GALNT13: variants seen among roughly 807,000 people sequenced by gnomAD.
GALNT13 encodes UDP-GalNAc:polypeptide N-acetylgalactosaminyltransferase 13.
GALNT13 carries 28 observed loss-of-function variants against 64.2 expected under a neutral mutation model. That is an observed-to-expected ratio of 0.44 (90% CI 0.32 to 0.60). The LOEUF is 0.60. GALNT13 is among the 20% of genes least tolerant of loss of function. GALNT13 has a pLI of 0.05. For synonymous variants in GALNT13, 214 were observed against 224.6 expected (o/e 0.95, Z 0.42); for missense variants, 577 against 669.8 (o/e 0.86, Z 1.53).
chr2:153,315,179 T>A, the GALNT13 span, among the ~76,000 whole-genome samples: 1 of 152,296 alleles, frequency 6.6e-6, no homozygotes, highest in South Asian at 2.1e-4. Flanking sequence ...ACAACAACCT[T>A]TTTTTGTTCA....
chr2:153,399,268 G>A, the GALNT13 span, among the ~76,000 whole-genome samples: 1 of 151,888 alleles, frequency 6.6e-6, no homozygotes, highest in Non-Finnish European at 1.5e-5. Context: ...GCTCTGTTCT[G>A]TTCCATTGAT....
the GALNT13 span, among the ~76,000 whole-genome samples, chr2:153,471,602 T>C: frequency 6.6e-6 from 1 of 152,202 alleles, no homozygotes; most frequent in African/African-American, 2.4e-5. Flanking sequence ...TTTTACTTGA[T>C]AGGTTCTTTT....
the GALNT13 span, among the ~76,000 whole-genome samples, chr2:153,843,808 T>C: frequency 8.5e-5 from 13 of 152,300 alleles, no homozygotes; most frequent in East Asian, 2.1e-3. Flanking sequence ...ACAGGCCCCA[T>C]GCAAGTTTTA....
chr2:153,316,076 A>C, the GALNT13 span, among the ~76,000 whole-genome samples: 1 of 152,058 alleles, frequency 6.6e-6, no homozygotes, highest in Non-Finnish European at 1.5e-5. Context: ...TACAAATGAC[A>C]TATCCCACGG....
chr2:154,230,781 C>A (rs764486230), intron 4 of GALNT13, among the ~76,000 whole-genome samples: 4 of 152,068 alleles, frequency 2.6e-5, no homozygotes, highest in Non-Finnish European at 5.9e-5. Flanking sequence ...GTTCAGAGAG[C>A]CATGCAAGAT....
At chr2:154,195,127 C>A (rs1686809709) in intron 4 of GALNT13, among the ~76,000 whole-genome samples, 1 of 152,020 alleles carries the variant, frequency 6.6e-6, no homozygotes, top group African/African-American at 2.4e-5. Context: ...TGTACTGCTG[C>A]CTCCCACAAC....
intron 4 of GALNT13, among the ~76,000 whole-genome samples, chr2:154,221,415 C>A (rs1302162806): frequency 6.6e-6 from 1 of 152,014 alleles, no homozygotes; most frequent in Non-Finnish European, 1.5e-5. Context: ...CTTAGTAATT[C>A]AACTAATTAC....
the GALNT13 span, among the ~76,000 whole-genome samples, chr2:153,815,367 A>G: frequency 6.6e-6 from 1 of 152,210 alleles, no homozygotes; most frequent in Non-Finnish European, 1.5e-5. Context: ...ATTGTTGCAT[A>G]TAAACCTGAT....
At chr2:153,723,553 C>A in the GALNT13 span, among the ~76,000 whole-genome samples, 1 of 151,242 alleles carries the variant, frequency 6.6e-6, no homozygotes, top group Non-Finnish European at 1.5e-5. Context: ...ATCTAGAAAA[C>A]CCCATCGTCT....
chr2:153,276,113 G>T, the GALNT13 span, among the ~76,000 whole-genome samples: 1 of 151,992 alleles, frequency 6.6e-6, no homozygotes, highest in African/African-American at 2.4e-5. Flanking sequence ...TTCTATTTTT[G>T]CATGAGACTG....
At chr2:153,616,987 A>G in the GALNT13 span, among the ~76,000 whole-genome samples, 1 of 152,022 alleles carries the variant, frequency 6.6e-6, no homozygotes, top group Non-Finnish European at 1.5e-5. Flanking sequence ...AGAGGTCTCA[A>G]AACGATAATG....
the GALNT13 span, among the ~76,000 whole-genome samples, chr2:153,299,977 C>T: frequency 1.3e-5 from 2 of 152,098 alleles, no homozygotes; most frequent in African/African-American, 2.4e-5. Flanking sequence ...CAGTTGCCAC[C>T]GGTAGGTCTC....
chr2:153,162,996 G>A, the GALNT13 span, among the ~76,000 whole-genome samples: 3 of 152,234 alleles, frequency 2.0e-5, no homozygotes, highest in East Asian at 5.8e-4. Flanking sequence ...AGGACAGTGA[G>A]GCCAGAAGAA....
the GALNT13 span, among the ~76,000 whole-genome samples, chr2:153,401,703 T>A: frequency 6.8e-6 from 1 of 147,540 alleles, no homozygotes; most frequent in African/African-American, 2.5e-5. Context: ...TCTCTTTTGA[T>A]CTTTGTTGGT....
chr2:153,645,866 ATTG>A, the GALNT13 span, among the ~76,000 whole-genome samples: 2 of 152,046 alleles, frequency 1.3e-5, no homozygotes, highest in Non-Finnish European at 2.9e-5. Flanking sequence ...AGCAGGGAGA[ATTG>A]TTGTTATACC....
chr2:153,277,908 C>CTTTTCTT, the GALNT13 span, among the ~76,000 whole-genome samples: 1 of 69,588 alleles, frequency 1.4e-5, no homozygotes, highest in Non-Finnish European at 3.3e-5. Flanking sequence ...TTTCTTTTTT[C>CTTTTCTT]TTTTGTTTTC....
At chr2:154,392,801 T>C (rs545792447) in intron 9 of GALNT13, among the ~76,000 whole-genome samples, 11 of 152,250 alleles carry the variant, frequency 7.2e-5, no homozygotes, top group African/African-American at 2.4e-4. Flanking sequence ...GAATAAAATA[T>C]AGGTAGAGGA....
At chr2:153,973,323 T>C (rs1030904053) in intron 3 of GALNT13, among the ~76,000 whole-genome samples, 6 of 152,012 alleles carry the variant, frequency 3.9e-5, no homozygotes, top group Non-Finnish European at 7.4e-5. Context: ...CTGAAATGTG[T>C]CAACATCATC....
At chr2:153,137,437 T>C in the GALNT13 span, among the ~76,000 whole-genome samples, 296 of 152,124 alleles carry the variant, frequency 1.9e-3, 1 homozygote, top group African/African-American at 6.8e-3. Context: ...TGTCCTCAAG[T>C]GAACCTGAAC....
Sources: allele counts gnomAD v4.1 joint callset (sites outside exome capture counted in the v4.1 genomes callset), GRCh38; gene constraint gnomAD v4.1.1; transcripts MANE v1.5; gene names NCBI Gene and HGNC (gene_info 2026-07-23, HGNC 2026-07-21).